The following SPINK9 variants were observed in gnomAD, a reference collection of about 807,000 sequenced individuals.
The protein encoded by SPINK9 is serine protease inhibitor Kazal-type 9.
Under a neutral mutation model 10.8 loss-of-function variants are expected in SPINK9, and 3 were observed. The ratio of observed to expected loss-of-function variants is 0.28; its 90% CI spans 0.13 to 0.72. SPINK9 has a LOEUF of 0.72. Ranked by LOEUF, SPINK9 falls within the 30% of genes least tolerant of loss-of-function variation. The pLI, the probability that SPINK9 is intolerant of heterozygous loss-of-function variation, is 0.74. For synonymous variants in SPINK9, 30 were observed against 31.2 expected, an observed-to-expected ratio of 0.96 and a Z score of 0.12; for missense variants, 101 against 103.2, an observed-to-expected ratio of 0.98 and a Z score of 0.09.
chr5:148,330,167 T>C (rs1225498723), intron 2 of SPINK9, among the ~76,000 whole-genome samples: 1 of 152,230 alleles, frequency 6.6e-6, no homozygotes. Context: ...ACTAAGGACT[T>C]GCTTTATGAA....
chr5:148,336,066 A>G (rs1333594369), intron 1 of SPINK9, among the ~76,000 whole-genome samples: 1 of 151,942 alleles, frequency 6.6e-6, no homozygotes, highest in African/African-American at 2.4e-5. Context: ...CTGTTCCAAC[A>G]TCTGTCATCT....
rs77169532 is a variant in SPINK9, at chr5:148,324,530, G to A, written c.118+662G>A. 6.1e-3 allele frequency among the ~76,000 whole-genome samples: 929 copies of A among 151,958 alleles called. 11 individuals carry two copies. The highest frequency in any genetic ancestry group is 0.021 in the African/African-American group (889 of 41,490). On this transcript the variant is annotated intron_variant, in intron 2 of 4. Coordinates refer to the SPINK9 transcript ENST00000511717. ...TATGCAGAACACAGAATAACGTTTC[G>A]ATTTCTCTAACAAAAATGCACAACC...
chr5:148,324,779 C>CAGAG (rs145833356), intron 2 of SPINK9, among the ~76,000 whole-genome samples: 1 of 150,218 alleles, frequency 6.7e-6, no homozygotes, highest in Non-Finnish European at 1.5e-5. Flanking sequence ...TTTGTACCCT[C>CAGAG]AGAGAGAGAG....
At chr5:148,327,424 G>T (rs1325784100) in intron 2 of SPINK9, among the ~76,000 whole-genome samples, 3 of 151,960 alleles carry the variant, frequency 2.0e-5, no homozygotes, top group Non-Finnish European at 2.9e-5. Context: ...CAGATGAGTA[G>T]GTTGCAAAAA....
upstream of SPINK9, among the ~76,000 whole-genome samples, chr5:148,330,965 G>A (rs903443369): frequency 5.9e-5 from 9 of 152,180 alleles, no homozygotes; most frequent in South Asian, 2.1e-4. Context: ...GGAGTGACCC[G>A]ATTTTCCAGG....
chr5:148,334,548 T>G (rs1291322691), upstream of SPINK9, among the ~76,000 whole-genome samples: 1 of 152,142 alleles, frequency 6.6e-6, no homozygotes, highest in African/African-American at 2.4e-5. Flanking sequence ...CGGTCTGTAC[T>G]AAAAATGCAA....
At position 148,338,620 on chromosome 5, in the gene SPINK9, G is replaced by A; in HGVS notation, c.215+15G>A. The A allele has an allele frequency of 1.3e-6, 2 of 1,540,758 alleles. No homozygotes were observed. The highest frequency in any genetic ancestry group is 2.3e-5 in the East Asian group (1 of 43,676). On this transcript the variant is annotated intron_variant, in intron 3 of 3. Coordinates refer to ENST00000377906, the MANE Select transcript of SPINK9 (RefSeq NM_001040433.2). Reference sequence around the variant, plus strand: ...TCTAAAGTTAAGTAAGTATTAAAATGTTTTCTTTTTCATATTTAAGGTAAA... The same window carrying A: ...TCTAAAGTTAAGTAAGTATTAAAATATTTTCTTTTTCATATTTAAGGTAAA...
In SPINK9 at chr5:148,335,741, G is replaced by A. The variant is rs1757209163; in HGVS notation, c.55+73G>A. 1.1e-5 allele frequency: 17 copies of A among 1,513,250 alleles called. No individual in the cohort carries two copies. In the South Asian group the frequency reaches 1.8e-4, roughly 16 times the overall value. 93.7% of individuals were successfully genotyped at this position (1,513,250 alleles called of 1,614,324 possible). ...TGCAGTCTTCTGCCTATGTAATTCT[G>A]GGATATATGTAATTCATCACATAAA... is the stretch of plus-strand genomic sequence containing the variant. On this transcript the variant is annotated intron_variant, in intron 1 of 3. Transcript: ENST00000377906.
intron 1 of SPINK9, chr5:148,321,535 C>T (rs1277311505): frequency 6.7e-6 from 1 of 149,372 alleles, no homozygotes; most frequent in African/African-American, 2.5e-5. Context: ...AGCTAGAAAG[C>T]ATAGGTGGGG....
At chr5:148,326,975 T>C (rs6898593) in intron 2 of SPINK9, among the ~76,000 whole-genome samples, 53,706 of 150,530 alleles carry the variant, frequency 0.36, 10,493 homozygotes, top group East Asian at 0.58. Flanking sequence ...AATAAACATA[T>C]GTGTGCATGT....
At chr5:148,324,608 C>T (rs1757035622) in intron 2 of SPINK9, among the ~76,000 whole-genome samples, 1 of 151,946 alleles carries the variant, frequency 6.6e-6, no homozygotes, top group African/African-American at 2.4e-5. Flanking sequence ...AAACATTCTA[C>T]AAAATCACTG....
At chr5:148,335,548 G>A, upstream of SPINK9, 1 of 1,450,858 alleles carries the variant, frequency 6.9e-7, no homozygotes, top group South Asian at 1.2e-5. Context: ...CAGGATCAAA[G>A]TGAGCTGGAC....
chr5:148,338,032 G>A (rs1047609624), intron 2 of SPINK9, among the ~76,000 whole-genome samples: 3 of 152,196 alleles, frequency 2.0e-5, no homozygotes, highest in African/African-American at 7.2e-5. Flanking sequence ...TGTCAGTAAT[G>A]TACTAGTCAT....
At chr5:148,332,018 G>C (rs1478087236), upstream of SPINK9, among the ~76,000 whole-genome samples, 1 of 152,198 alleles carries the variant, frequency 6.6e-6, no homozygotes, top group Non-Finnish European at 1.5e-5. Flanking sequence ...TTTCTATAAA[G>C]GCATTGATGG....
intron 1 of SPINK9, among the ~76,000 whole-genome samples, chr5:148,322,542 G>T (rs1431911499): frequency 2.0e-5 from 3 of 152,150 alleles, no homozygotes; most frequent in Non-Finnish European, 4.4e-5. Context: ...GGTCTGCTTA[G>T]TCCCAATCAA....
intron 2 of SPINK9, among the ~76,000 whole-genome samples, chr5:148,328,823 T>G (rs1757106046): frequency 6.6e-6 from 1 of 152,246 alleles, no homozygotes; most frequent in African/African-American, 2.4e-5. Context: ...TTGTGTATGT[T>G]GAACCAGCCT....
At chr5:148,324,725 A>G (rs1470251500) in intron 2 of SPINK9, among the ~76,000 whole-genome samples, 1 of 151,960 alleles carries the variant, frequency 6.6e-6, no homozygotes, top group Non-Finnish European at 1.5e-5. Context: ...TATTATTATT[A>G]TTATTAATGG....
At chr5:148,339,273 T>C (rs1757257482) in intron 3 of SPINK9, among the ~76,000 whole-genome samples, 1 of 152,020 alleles carries the variant, frequency 6.6e-6, no homozygotes, top group Non-Finnish European at 1.5e-5. Context: ...TAAAAACATA[T>C]GGGTCATTTT....
At chr5:148,331,621 A>G (rs928292100), upstream of SPINK9, among the ~76,000 whole-genome samples, 1 of 152,204 alleles carries the variant, frequency 6.6e-6, no homozygotes, top group South Asian at 2.1e-4. Context: ...AAAAAAGTGG[A>G]TTTTAAATGT....
Sources: gnomAD v4.1 joint callset for allele counts (sites outside exome capture counted in the v4.1 genomes callset) on GRCh38, gnomAD v4.1.1 for gene constraint, MANE v1.5 for transcripts, NCBI Gene and HGNC (gene_info 2026-07-23, HGNC 2026-07-21) for gene names.